The following SEPTIN6 variants were observed in gnomAD, a reference collection of about 807,000 sequenced individuals.
The protein encoded by SEPTIN6 is septin-6.
A neutral mutation model predicts 33.6 loss-of-function variants in SEPTIN6; 8 were observed. The observed-to-expected ratio is 0.24, with a 90% CI of 0.14 to 0.43. The LOEUF (loss-of-function observed/expected upper bound fraction) is 0.43. Ranked by LOEUF, SEPTIN6 falls within the 20% of genes least tolerant of loss-of-function variation. SEPTIN6 has a pLI of 1.00. For synonymous variants in SEPTIN6, 131 were observed against 140.0 expected (o/e 0.94, Z 0.45); for missense variants, 250 against 340.8 (o/e 0.73, Z 2.10).
At chrX:119,645,404 AT>A (rs370969102) in intron 5 of SEPTIN6, among the ~76,000 whole-genome samples, 18,065 of 94,882 alleles carry the variant, frequency 0.19, 1,813 homozygotes, top group African/African-American at 0.36. Context: ...ATGCCCAGCT[AT>A]TTTTTTTTTG....
chrX:119,686,723 A>G lies in SEPTIN6; in HGVS notation c.30+6353T>C, dbSNP rs1055902450. The stretch of plus-strand genomic sequence containing the variant: ...CAGTTGTTACTTAAAATAATCCATC[A>G]TTACATGGCTGGTGGCTCCAAGATT... On this transcript the variant is annotated intron_variant, in intron 1 of 10. Coordinates refer to ENST00000394610, the MANE Select transcript of SEPTIN6 (RefSeq NM_145799.4). 2.9e-4 allele frequency: 139 copies of G among 479,902 alleles called. 1 individual carries two copies. In the African/African-American group the frequency reaches 3.1e-3, roughly 11 times the overall value. 39.5% of individuals were successfully genotyped at this position (479,902 alleles called of 1,213,427 possible).
chrX:119,619,741 A>G lies in SEPTIN6; in HGVS notation c.*352T>C, dbSNP rs111532682. The G allele has an allele frequency of 3.1e-4, 299 of 978,019 alleles. 2 individuals carry two copies. The African/African-American group carries it at 5.1e-3, about 17-fold the overall frequency. 80.6% of individuals were successfully genotyped at this position (978,019 alleles called of 1,213,427 possible). ...GAACTGGAACAGGGGAGCTGGTGGG[A>G]AAGAGTAGCAGATGGGCCCCCTGAC... is the stretch of plus-strand genomic sequence containing the variant. On this transcript the variant is annotated 3_prime_UTR_variant, in exon 11 of 11. Transcript: ENST00000394610.
At position 119,645,236 on chromosome X, in the gene SEPTIN6, C is replaced by CT. The variant is rs757199588; in HGVS notation, c.691-4449dup. On this transcript the variant is annotated intron_variant, in intron 5 of 10. Transcript: ENST00000394610. ...CCCAATCAATTCCTAAAGGCCCTAC[C>CT]TTTTTTTTTTTTTTTTTTTTTGAGA... Among the ~76,000 whole-genome samples, 488 of 71,135 alleles carry CT rather than the reference C, an allele frequency of 6.9e-3. 6 individuals are homozygous for CT. The highest frequency in any genetic ancestry group is 0.015 in the African/African-American group (234 of 16,094). The allele number at this position is 71,135 out of a possible 115,157, so 61.8% of individuals were successfully genotyped here. A position where few individuals can be genotyped will look rare whatever the true frequency, so the allele number is the denominator to read the frequency against.
intron 5 of SEPTIN6, among the ~76,000 whole-genome samples, chrX:119,642,482 C>A (rs753697666): frequency 3.6e-5 from 4 of 110,347 alleles, no homozygotes; most frequent in African/African-American, 1.3e-4. Context: ...TCAGCAGGCA[C>A]ACAATAGTAA....
At chrX:119,644,668 G>GA (rs1474718371) in intron 5 of SEPTIN6, among the ~76,000 whole-genome samples, 1 of 110,532 alleles carries the variant, frequency 9.0e-6, no homozygotes, top group Non-Finnish European at 1.9e-5. Flanking sequence ...CCAAGATGGT[G>GA]AAACCTCATC....
Position 119,663,643 on chromosome X carries a change from G to A in SEPTIN6, c.180C>T (p.Asp60=). The change falls in exon 3 of 11, where the codon GAC becomes GAT. Residue 60 remains aspartate, a synonymous_variant. Transcript: ENST00000394610. The part of the protein sequence containing the change: ...ETGLGKSTLM[D]TLFNTKFEGE... The stretch of plus-strand genomic sequence containing the variant: ...CTTCGAATTTGGTGTTGAACAGGGT[G>A]TCCATGAGGGTGGACTTGCCCAAAC... The A allele has an allele frequency of 4.1e-6, 5 of 1,209,465 alleles. No individual in the cohort carries two copies. Among genetic ancestry groups the A allele is most frequent in the South Asian group, 3.5e-5 (2 of 56,450 alleles).
intron 5 of SEPTIN6, among the ~76,000 whole-genome samples, chrX:119,646,171 A>T (rs2054253975): frequency 9.0e-6 from 1 of 111,514 alleles, no homozygotes; most frequent in African/African-American, 3.3e-5. Context: ...TGACTGAACA[A>T]GACCATTGGC....
intron 3 of SEPTIN6, among the ~76,000 whole-genome samples, chrX:119,658,426 T>G (rs2054489187): frequency 8.9e-6 from 1 of 112,295 alleles, no homozygotes; most frequent in Non-Finnish European, 1.9e-5. Flanking sequence ...CACAGTTTAT[T>G]TAATTGCTCT....
At chrX:119,658,943 G>C (rs2054496296) in intron 3 of SEPTIN6, among the ~76,000 whole-genome samples, 1 of 111,937 alleles carries the variant, frequency 8.9e-6, no homozygotes, top group Non-Finnish European at 1.9e-5. Context: ...TTGTACTTTT[G>C]TTTATGGTAT....
At chrX:119,689,056 A>G (rs2055111880) in intron 1 of SEPTIN6, among the ~76,000 whole-genome samples, 1 of 111,339 alleles carries the variant, frequency 9.0e-6, no homozygotes, top group Admixed American at 9.6e-5. Context: ...GAGACAGTTG[A>G]CCCAGACCAA....
Position 119,619,086 on chromosome X carries a change from T to C in SEPTIN6, c.*1007A>G, listed in dbSNP as rs1229055616. ...TATTGGGGGATGCATGCAAAATGCATGTTAAAAATCATCATGACATTCACC... is the reference window on the plus strand; with the variant it reads ...TATTGGGGGATGCATGCAAAATGCACGTTAAAAATCATCATGACATTCACC... On this transcript the variant is annotated 3_prime_UTR_variant, in exon 11 of 11. Transcript: ENST00000394610. 18 of 914,342 alleles carry C rather than the reference T, an allele frequency of 2.0e-5. No individual in the cohort carries two copies. Among genetic ancestry groups the C allele is most frequent in the Non-Finnish European group, 2.4e-5 (18 of 740,887 alleles). The allele number at this position is 914,342 out of a possible 1,213,427, so 75.4% of individuals were successfully genotyped here. A position where few individuals can be genotyped will look rare whatever the true frequency, so the allele number is the denominator to read the frequency against.
At chrX:119,624,403 G>A (rs192163045) in intron 10 of SEPTIN6, among the ~76,000 whole-genome samples, 2,065 of 110,495 alleles carry the variant, frequency 0.019, 24 homozygotes, top group African/African-American at 0.039. Flanking sequence ...TCGAACTCCC[G>A]ACCTCAGGTG....
chrX:119,659,149 G>GT (rs1383518072), intron 3 of SEPTIN6, among the ~76,000 whole-genome samples: 1 of 111,817 alleles, frequency 8.9e-6, no homozygotes, highest in Non-Finnish European at 1.9e-5. Context: ...TGTGAATGGT[G>GT]TTTGTGTGAG....
intron 1 of SEPTIN6, among the ~76,000 whole-genome samples, chrX:119,681,238 T>C (rs1366148449): frequency 9.0e-6 from 1 of 111,351 alleles, no homozygotes; most frequent in Admixed American, 9.7e-5. Context: ...ATATCTTATC[T>C]CTTTCCTCTT....
intron 5 of SEPTIN6, among the ~76,000 whole-genome samples, chrX:119,645,922 T>A (rs762165384): frequency 1.8e-5 from 2 of 112,447 alleles, no homozygotes; most frequent in Admixed American, 1.9e-4. Context: ...TGTGTCTAAC[T>A]TAAATTCTTC....
chrX:119,690,348 TACACACACACACACAC>T (rs1196119691), intron 1 of SEPTIN6, among the ~76,000 whole-genome samples: 4 of 75,004 alleles, frequency 5.3e-5, no homozygotes, highest in Admixed American at 2.8e-4. Flanking sequence ...TACATACACA[TACACACACACACACAC>T]ACACACACAC....
At chrX:119,685,231 C>A (rs2055037357) in intron 1 of SEPTIN6, among the ~76,000 whole-genome samples, 1 of 111,038 alleles carries the variant, frequency 9.0e-6, no homozygotes, top group African/African-American at 3.3e-5. Flanking sequence ...TGTCATGTAC[C>A]TTTATAGGAA....
At position 119,618,061 on chromosome X, in the gene SEPTIN6, C is replaced by A; in HGVS notation, c.*2032G>T. 1 of 805,477 alleles carries A rather than the reference C, an allele frequency of 1.2e-6. No homozygotes were observed. Among genetic ancestry groups the A allele is most frequent in the Non-Finnish European group, 1.5e-6 (1 of 671,116 alleles). The allele number at this position is 805,477 out of a possible 1,213,427, so 66.4% of individuals were successfully genotyped here. ...AATTTCTGGGAAAGCAGCTCTGAAG[C>A]TGGACATAGAATCATCAAAGTTGCA... is the stretch of plus-strand genomic sequence containing the variant. On this transcript the variant is annotated 3_prime_UTR_variant, in exon 11 of 11. Coordinates refer to ENST00000394610, the MANE Select transcript of SEPTIN6 (RefSeq NM_145799.4).
chrX:119,630,528 T>C (rs1241262934), intron 8 of SEPTIN6, among the ~76,000 whole-genome samples: 1 of 112,171 alleles, frequency 8.9e-6, no homozygotes, highest in African/African-American at 3.2e-5. Context: ...TAATTAGTCC[T>C]GAATAGAACC....
Sources: gnomAD v4.1 joint callset for allele counts (sites outside exome capture counted in the v4.1 genomes callset) on GRCh38, gnomAD v4.1.1 for gene constraint, MANE v1.5 for transcripts, NCBI Gene and HGNC (gene_info 2026-07-23, HGNC 2026-07-21) for gene names.